Variants in MTMR2 observed in about 807,000 individuals in gnomAD.
The protein encoded by MTMR2 is phosphatidylinositol-3,5-bisphosphate 3-phosphatase MTMR2.
Under a neutral mutation model 86.9 loss-of-function variants are expected in MTMR2, and 55 were observed. That is an observed-to-expected ratio of 0.63 (90% confidence interval 0.51 to 0.79). MTMR2 has a LOEUF of 0.79. MTMR2 is among the 30% of genes least tolerant of loss of function. MTMR2 has a pLI of 0.00. For synonymous variants in MTMR2, 241 were observed against 266.8 expected (o/e 0.90, Z 0.94); for missense variants, 659 against 772.3 (o/e 0.85, Z 1.74).
At chr11:95,879,922 G>GT (rs1435733616) in intron 2 of MTMR2, among the ~76,000 whole-genome samples, 15 of 151,920 alleles carry the variant, frequency 9.9e-5, no homozygotes, top group Non-Finnish European at 2.2e-4. Flanking sequence ...ATCAAGGTAT[G>GT]TTTTTCTGTT....
chr11:95,870,307 G>A (rs369802585), intron 2 of MTMR2, among the ~76,000 whole-genome samples: 7 of 151,980 alleles, frequency 4.6e-5, no homozygotes, highest in Non-Finnish European at 8.8e-5. Context: ...ATAAAATACT[G>A]GGGAGAAGTT....
chr11:95,916,099 G>A (rs1261336430), intron 1 of MTMR2, among the ~76,000 whole-genome samples: 1 of 152,068 alleles, frequency 6.6e-6, no homozygotes, highest in Non-Finnish European at 1.5e-5. Context: ...TTTGGTCATC[G>A]CATTTGCAGC....
intron 2 of MTMR2, among the ~76,000 whole-genome samples, chr11:95,875,917 T>C (rs1022142082): frequency 6.6e-6 from 1 of 152,152 alleles, no homozygotes; most frequent in African/African-American, 2.4e-5. Context: ...GAACAGTAGA[T>C]ATTGGTGAAC....
chr11:95,875,558 C>T (rs1254445863), intron 2 of MTMR2, among the ~76,000 whole-genome samples: 3 of 152,108 alleles, frequency 2.0e-5, no homozygotes, highest in Non-Finnish European at 1.5e-5. Flanking sequence ...TCCTTTAGCT[C>T]AGAGTAGTTT....
intron 1 of MTMR2, among the ~76,000 whole-genome samples, chr11:95,915,150 G>A (rs958870753): frequency 2.6e-5 from 4 of 152,128 alleles, no homozygotes; most frequent in African/African-American, 9.7e-5. Flanking sequence ...ATTGGTAACA[G>A]AGAACAGAGA....
At chr11:95,842,468 C>T (rs1401633550) in intron 11 of MTMR2, among the ~76,000 whole-genome samples, 1 of 152,178 alleles carries the variant, frequency 6.6e-6, no homozygotes, top group African/African-American at 2.4e-5. Context: ...CATATTAGCA[C>T]ACATCTTAGA....
intron 1 of MTMR2, among the ~76,000 whole-genome samples, chr11:95,913,234 T>C (rs1172644806): frequency 6.6e-6 from 1 of 152,112 alleles, no homozygotes; most frequent in African/African-American, 2.4e-5. Context: ...AGTGAAGTTA[T>C]ATGGCCCTGC....
intron 3 of MTMR2, among the ~76,000 whole-genome samples, chr11:95,863,072 G>A (rs1283085617): frequency 6.6e-6 from 1 of 152,024 alleles, no homozygotes; most frequent in Non-Finnish European, 1.5e-5. Context: ...GATAACTTAG[G>A]AATCAGTATC....
chr11:95,856,357 G>T (rs907846462), intron 7 of MTMR2, among the ~76,000 whole-genome samples: 3 of 151,336 alleles, frequency 2.0e-5, no homozygotes, highest in African/African-American at 7.3e-5. Flanking sequence ...TTTAAAGGGG[G>T]GGAAGTGAAT....
chr11:95,912,375 A>G (rs1008048523), intron 1 of MTMR2, among the ~76,000 whole-genome samples: 3 of 151,924 alleles, frequency 2.0e-5, no homozygotes, highest in African/African-American at 4.8e-5. Flanking sequence ...AAAGAACAAA[A>G]AAGTTTTTAA....
intron 10 of MTMR2, 41 bp from the exon 11 acceptor site, chr11:95,845,200 T>C: frequency 6.6e-7 from 1 of 1,516,036 alleles, no homozygotes; most frequent in East Asian, 2.3e-5. Context: ...TTAAACAAGG[T>C]AAATACTTCC....
At chr11:95,878,689 C>A (rs1274927560) in intron 2 of MTMR2, among the ~76,000 whole-genome samples, 1 of 152,100 alleles carries the variant, frequency 6.6e-6, no homozygotes, top group Non-Finnish European at 1.5e-5. Flanking sequence ...TCATTCCCCA[C>A]ACCAATATAG....
At chr11:95,837,189 C>A (rs1450390881) in intron 13 of MTMR2, among the ~76,000 whole-genome samples, 1 of 151,928 alleles carries the variant, frequency 6.6e-6, no homozygotes, top group African/African-American at 2.4e-5. Context: ...AAATTTAATA[C>A]CTGCCTTTAA....
At chr11:95,845,882 T>TAAAAAAAAAAA (rs201863810) in intron 10 of MTMR2, among the ~76,000 whole-genome samples, 4 of 90,072 alleles carry the variant, frequency 4.4e-5, no homozygotes, top group African/African-American at 1.6e-4. Flanking sequence ...TATGGTATCT[T>TAAAAAAAAAAA]AAAAAAAAAA....
chr11:95,872,612 T>C (rs1370099306), intron 2 of MTMR2, among the ~76,000 whole-genome samples: 1 of 142,988 alleles, frequency 7.0e-6, no homozygotes, highest in African/African-American at 2.7e-5. Flanking sequence ...TATTTCCTTC[T>C]CCTGCCTGAT....
rs547963894 is a variant in MTMR2, at chr11:95,902,748, C to G, written c.81-14487G>C. ...ACTGTTCCCCAACAGCCTTCTCAGACAGAAAAATAAGCCCTTTTATTTTCT... is the reference window on the plus strand; with the variant it reads ...ACTGTTCCCCAACAGCCTTCTCAGAGAGAAAAATAAGCCCTTTTATTTTCT... On this transcript the variant is annotated intron_variant, in intron 1 of 14. Transcript: ENST00000346299. Among the ~76,000 whole-genome samples the G allele has an allele frequency of 3.9e-5, 6 of 152,260 alleles. No individual in the cohort carries two copies. The East Asian group carries it at 1.2e-3, about 29-fold the overall frequency.
intron 13 of MTMR2, among the ~76,000 whole-genome samples, chr11:95,837,300 C>T (rs1863327444): frequency 6.6e-6 from 1 of 151,994 alleles, no homozygotes; most frequent in African/African-American, 2.4e-5. Context: ...CTTCCCCAAG[C>T]GAACTGTTAC....
rs1865408092 is a variant in MTMR2, at chr11:95,883,420, G to A, written c.186+4736C>T. ...GTTATTTCTTTAAATTGCATTACTT[G>A]AAATTCTATGTAAAAGAATACTACA... On this transcript the variant is annotated intron_variant, in intron 2 of 14. Transcript: ENST00000346299. Among the ~76,000 whole-genome samples, 3 of 152,090 alleles carry A rather than the reference G, an allele frequency of 2.0e-5. No individual in the cohort carries two copies. The South Asian group carries it at 6.2e-4, about 32-fold the overall frequency.
chr11:95,914,207 T>C, intron 1 of MTMR2: 1 of 987,060 alleles, frequency 1.0e-6, no homozygotes, highest in Non-Finnish European at 1.2e-6. Flanking sequence ...TTAACTTTTG[T>C]CCATTTTTAT....
Sources: gnomAD v4.1 joint callset for allele counts (sites outside exome capture counted in the v4.1 genomes callset) on GRCh38, gnomAD v4.1.1 for gene constraint, MANE v1.5 for transcripts, NCBI Gene and HGNC (gene_info 2026-07-23, HGNC 2026-07-21) for gene names.